ELMO1: variants seen among roughly 807,000 people sequenced by gnomAD.
The protein encoded by ELMO1 is engulfment and cell motility protein 1.
Under a neutral mutation model 98.9 loss-of-function variants are expected in ELMO1, and 26 were observed. That is an observed-to-expected ratio of 0.26 (90% confidence interval 0.19 to 0.36). The LOEUF is 0.36. ELMO1 is among the 10% of genes least tolerant of loss of function. The probability of loss-of-function intolerance (pLI) is 1.00; values close to 1 mark genes in which losing one functional copy is unlikely to be tolerated. For synonymous variants in ELMO1, 346 were observed against 346.0 expected (o/e 1.00, Z 0.00); for missense variants, 627 against 935.2 (o/e 0.67, Z 4.30).
chr7:37,086,127 G>C (rs1185550454), intron 15 of ELMO1, among the ~76,000 whole-genome samples: 1 of 152,220 alleles, frequency 6.6e-6, no homozygotes, highest in Non-Finnish European at 1.5e-5. Context: ...GCCTCACTCT[G>C]TGGCAGCAGA....
intron 15 of ELMO1, among the ~76,000 whole-genome samples, chr7:37,058,302 C>T (rs1257104279): frequency 3.9e-5 from 6 of 152,160 alleles, no homozygotes; most frequent in Non-Finnish European, 8.8e-5. Context: ...AACAGAGGTG[C>T]AAAATTTAAA....
chr7:37,402,019 A>T (rs1371610885), intron 1 of ELMO1, among the ~76,000 whole-genome samples: 1 of 152,234 alleles, frequency 6.6e-6, no homozygotes, highest in Non-Finnish European at 1.5e-5. Context: ...GCATAAAAAT[A>T]CACAGGTTTA....
At chr7:36,901,812 T>A (rs1162671445) in intron 16 of ELMO1, among the ~76,000 whole-genome samples, 1 of 152,020 alleles carries the variant, frequency 6.6e-6, no homozygotes, top group Non-Finnish European at 1.5e-5. Flanking sequence ...AAAAAAATAA[T>A]CCCCTCGCAG....
chr7:36,947,191 A>C (rs1562846903), intron 16 of ELMO1, among the ~76,000 whole-genome samples: 1 of 152,146 alleles, frequency 6.6e-6, no homozygotes, highest in Non-Finnish European at 1.5e-5. Flanking sequence ...CCCAATGTTT[A>C]GCTCTCACTT....
chr7:37,091,328 A>G (rs1329388735), intron 15 of ELMO1, among the ~76,000 whole-genome samples: 1 of 152,084 alleles, frequency 6.6e-6, no homozygotes, highest in Non-Finnish European at 1.5e-5. Flanking sequence ...GCTGGTCTCG[A>G]ACTCCTGACC....
chr7:37,411,446 C>T (rs927614298), intron 1 of ELMO1, among the ~76,000 whole-genome samples: 2 of 152,186 alleles, frequency 1.3e-5, no homozygotes, highest in Admixed American at 1.3e-4. Flanking sequence ...TATCCTCGTG[C>T]TTTTCATCCT....
chr7:37,146,091 C>T (rs926707236), intron 13 of ELMO1, among the ~76,000 whole-genome samples: 10 of 152,186 alleles, frequency 6.6e-5, no homozygotes, highest in African/African-American at 2.4e-4. Flanking sequence ...CAAATCAGTT[C>T]AATGAGAAGC....
intron 15 of ELMO1, among the ~76,000 whole-genome samples, chr7:37,078,816 AAT>A (rs1797715983): frequency 6.6e-6 from 1 of 152,190 alleles, no homozygotes; most frequent in South Asian, 2.1e-4. Context: ...GACATTAAAT[AAT>A]GATACAATTA....
Position 36,853,757 on chromosome 7 carries a change from G to T in ELMO1, c.*1794C>A, listed in dbSNP as rs1802007227. Among the ~76,000 whole-genome samples, 1 of 152,216 alleles carries T rather than the reference G, an allele frequency of 6.6e-6. No homozygotes were observed. Among genetic ancestry groups the T allele is most frequent in the African/African-American group, 2.4e-5 (1 of 41,460 alleles). The stretch of plus-strand genomic sequence containing the variant: ...CCACAGCTTGTGCTGTGAGGCCAGA[G>T]TGGCTGGTGCTGTGCCACGCTTAAT... On this transcript the variant is annotated 3_prime_UTR_variant, in exon 22 of 22. Transcript: ENST00000310758.
intron 1 of ELMO1, among the ~76,000 whole-genome samples, chr7:37,354,544 C>T (rs1801415427): frequency 6.6e-6 from 1 of 152,254 alleles, no homozygotes; most frequent in Admixed American, 6.5e-5. Flanking sequence ...TCCAAGCTCT[C>T]TTGCGCTTTG....
At chr7:36,866,935 C>T (rs1803075673) in intron 20 of ELMO1, among the ~76,000 whole-genome samples, 1 of 152,124 alleles carries the variant, frequency 6.6e-6, no homozygotes, top group Non-Finnish European at 1.5e-5. Flanking sequence ...AAAATCGTGG[C>T]TTTCCTTCTG....
chr7:37,086,330 CTGTG>C (rs58906590), intron 15 of ELMO1, among the ~76,000 whole-genome samples: 6,351 of 143,070 alleles, frequency 0.044, 144 homozygotes, highest in African/African-American at 0.082. Context: ...CAATACATGA[CTGTG>C]TGTGTGTGTG....
At chr7:37,375,685 C>T (rs17136677) in intron 1 of ELMO1, 78,042 of 1,257,732 alleles carry the variant, frequency 0.062, 7,472 homozygotes, top group East Asian at 0.44. Context: ...TCTCAAGTCC[C>T]GAGGCTGTGT....
chr7:37,165,940 G>A (rs1789648759), intron 13 of ELMO1, among the ~76,000 whole-genome samples: 1 of 152,160 alleles, frequency 6.6e-6, no homozygotes, highest in Non-Finnish European at 1.5e-5. Flanking sequence ...ACCTCTGGGA[G>A]AATTCGGCTG....
intron 10 of ELMO1, among the ~76,000 whole-genome samples, chr7:37,221,700 T>TTTTC (rs1793606703): frequency 4.0e-5 from 6 of 149,606 alleles, no homozygotes; most frequent in Non-Finnish European, 7.4e-5. Context: ...CCTTCCTTTT[T>TTTTC]TTTTCTTTTT....
intron 5 of ELMO1, chr7:37,270,095 T>A (rs1796476716): frequency 6.6e-6 from 1 of 152,206 alleles, no homozygotes; most frequent in African/African-American, 2.4e-5. Flanking sequence ...AGATGATGAC[T>A]TTTAGCAGGA....
intron 4 of ELMO1, among the ~76,000 whole-genome samples, chr7:37,281,088 G>A (rs111583304): frequency 5.3e-5 from 8 of 151,702 alleles, no homozygotes; most frequent in East Asian, 1.9e-4. Flanking sequence ...CATTTTCAGC[G>A]ACCAGATGAG....
At chr7:36,908,324 G>A (rs538583220) in intron 16 of ELMO1, among the ~76,000 whole-genome samples, 6 of 152,210 alleles carry the variant, frequency 3.9e-5, no homozygotes, top group African/African-American at 1.2e-4. Flanking sequence ...AAATTTCAAT[G>A]ATTTTGTAAC....
intron 15 of ELMO1, among the ~76,000 whole-genome samples, chr7:37,080,402 C>A (rs1256505618): frequency 6.6e-6 from 1 of 151,062 alleles, no homozygotes; most frequent in African/African-American, 2.4e-5. Flanking sequence ...CAAGGGCCTA[C>A]AAGCACCTGA....
Sources: gnomAD v4.1 joint callset for allele counts (sites outside exome capture counted in the v4.1 genomes callset) on GRCh38, gnomAD v4.1.1 for gene constraint, MANE v1.5 for transcripts, NCBI Gene and HGNC (gene_info 2026-07-23, HGNC 2026-07-21) for gene names.